The following NEGR1 variants were observed in gnomAD, a reference collection of about 807,000 sequenced individuals.
The protein encoded by NEGR1 is neuronal growth regulator 1, also known as IgLON family member 4.
Under a neutral mutation model 40.9 loss-of-function variants are expected in NEGR1, and 10 were observed. The observed-to-expected ratio is 0.24, with a 90% CI of 0.15 to 0.42. The LOEUF is 0.42. Ranked by LOEUF, NEGR1 falls within the 10% of genes least tolerant of loss-of-function variation. The pLI, the probability that NEGR1 is intolerant of heterozygous loss-of-function variation, is 1.00. For synonymous variants in NEGR1, 185 were observed against 166.8 expected (o/e 1.11, Z -0.84); for missense variants, 352 against 438.9 (o/e 0.80, Z 1.77).
intron 1 of NEGR1, among the ~76,000 whole-genome samples, chr1:72,266,724 AACACACACACACACAC>A (rs3082237): frequency 2.2e-5 from 3 of 133,726 alleles, no homozygotes; most frequent in African/African-American, 5.4e-5. Context: ...TAGACAGATA[AACACACACACACACAC>A]ACACACACAC....
intron 1 of NEGR1, among the ~76,000 whole-genome samples, chr1:71,983,507 G>A (rs1443042604): frequency 2.0e-5 from 3 of 152,262 alleles, no homozygotes; most frequent in South Asian, 2.1e-4. Flanking sequence ...GTAGAGCAAA[G>A]CATAATTCAC....
At chr1:71,477,863 T>C (rs1365039267) in intron 6 of NEGR1, among the ~76,000 whole-genome samples, 1 of 151,472 alleles carries the variant, frequency 6.6e-6, no homozygotes, top group Non-Finnish European at 1.5e-5. Flanking sequence ...GATATCTTAA[T>C]AGTCAGACAA....
intron 6 of NEGR1, among the ~76,000 whole-genome samples, chr1:71,485,814 CTTAGT>C (rs1419249432): frequency 6.6e-6 from 1 of 151,494 alleles, no homozygotes; most frequent in Non-Finnish European, 1.5e-5. Context: ...CTTTATATGC[CTTAGT>C]TTATTTATTC....
chr1:71,636,919 C>A (rs1651171820), intron 4 of NEGR1, among the ~76,000 whole-genome samples: 2 of 151,972 alleles, frequency 1.3e-5, no homozygotes, highest in Non-Finnish European at 2.9e-5. Context: ...ACTTTGAAGT[C>A]ACGGGAAAGA....
intron 4 of NEGR1, among the ~76,000 whole-genome samples, chr1:71,677,403 ATAAT>A (rs1261174517): frequency 6.6e-6 from 1 of 152,212 alleles, no homozygotes; most frequent in Non-Finnish European, 1.5e-5. Flanking sequence ...ATTATGTACT[ATAAT>A]TAAATTAATG....
chr1:72,176,635 A>C (rs1041751072), intron 1 of NEGR1, among the ~76,000 whole-genome samples: 2 of 152,058 alleles, frequency 1.3e-5, no homozygotes, highest in Admixed American at 1.3e-4. Flanking sequence ...AAAGTGGCTT[A>C]ATGAAAACAG....
intron 2 of NEGR1, among the ~76,000 whole-genome samples, chr1:71,801,645 C>G (rs1453719565): frequency 1.3e-5 from 2 of 152,136 alleles, no homozygotes; most frequent in Non-Finnish European, 2.9e-5. Context: ...ATCAGAAAAT[C>G]TATTTGCCTC....
chr1:72,281,603 A>G (rs949568545), intron 1 of NEGR1, among the ~76,000 whole-genome samples: 31 of 151,970 alleles, frequency 2.0e-4, no homozygotes, highest in Admixed American at 2.0e-3. Context: ...TAAAAAAAAT[A>G]GACAAAAAGA....
At chr1:71,697,534 T>C (rs998757513) in intron 4 of NEGR1, among the ~76,000 whole-genome samples, 2 of 151,874 alleles carry the variant, frequency 1.3e-5, no homozygotes, top group Non-Finnish European at 2.9e-5. Context: ...TTCTTCACTT[T>C]CTTTTTCCCA....
At chr1:72,277,692 G>GA (rs200047719) in intron 1 of NEGR1, among the ~76,000 whole-genome samples, 1,664 of 152,082 alleles carry the variant, frequency 0.011, 25 homozygotes, top group Middle Eastern at 0.048. Context: ...TTTAAAAAGA[G>GA]AAAAAACTCA....
chr1:71,753,993 A>G (rs1246819432), intron 3 of NEGR1, among the ~76,000 whole-genome samples: 1 of 152,204 alleles, frequency 6.6e-6, no homozygotes, highest in East Asian at 1.9e-4. Flanking sequence ...ACCTGGGGTG[A>G]TGAATTGAGC....
intron 1 of NEGR1, among the ~76,000 whole-genome samples, chr1:71,999,885 T>G (rs1010139758): frequency 3.3e-5 from 5 of 151,396 alleles, no homozygotes; most frequent in African/African-American, 9.7e-5. Context: ...TCGTTTTAAT[T>G]GGACTGTTTT....
At chr1:71,617,684 C>T (rs1209229087) in intron 4 of NEGR1, among the ~76,000 whole-genome samples, 1 of 152,180 alleles carries the variant, frequency 6.6e-6, no homozygotes, top group Non-Finnish European at 1.5e-5. Flanking sequence ...GAAAATGTTA[C>T]CTGAACTAAA....
At chr1:71,513,275 T>G (rs987786037) in intron 6 of NEGR1, among the ~76,000 whole-genome samples, 1 of 152,196 alleles carries the variant, frequency 6.6e-6, no homozygotes, top group Non-Finnish European at 1.5e-5. Flanking sequence ...AATACAGAAA[T>G]CTACCCCTAC....
rs190203155 is a variant in NEGR1 at position 72,267,975 on chromosome 1, G to A, written c.176+14344C>T. ...ACAGAGAAAACAGTATGAAAGAAAA[G>A]CATCCCAGATGGAAAAAAAAATAAG... is the stretch of plus-strand genomic sequence containing the variant. On this transcript the variant is annotated intron_variant, in intron 1 of 6. Transcript: ENST00000357731. Among the ~76,000 whole-genome samples the A allele has an allele frequency of 6.8e-4, 103 of 151,148 alleles. 2 individuals carry two copies. The East Asian group carries it at 0.019, about 27-fold the overall frequency.
intron 1 of NEGR1, among the ~76,000 whole-genome samples, chr1:71,938,146 T>A (rs552183049): frequency 3.9e-5 from 6 of 152,070 alleles, no homozygotes; most frequent in African/African-American, 1.4e-4. Flanking sequence ...AAAAAAAATA[T>A]TTTCCTTTTG....
chr1:72,238,673 C>A (rs1199146020), intron 1 of NEGR1, among the ~76,000 whole-genome samples: 1 of 151,876 alleles, frequency 6.6e-6, no homozygotes, highest in Non-Finnish European at 1.5e-5. Flanking sequence ...CTACTGTCCT[C>A]TTTCCTTTGT....
chr1:71,709,635 A>G (rs2101641291), intron 3 of NEGR1, among the ~76,000 whole-genome samples: 1 of 152,312 alleles, frequency 6.6e-6, no homozygotes, highest in South Asian at 2.1e-4. Flanking sequence ...CTCTTCAATA[A>G]AGGGTGCTGG....
chr1:71,909,509 C>G (rs1355980017), intron 2 of NEGR1, among the ~76,000 whole-genome samples: 1 of 152,190 alleles, frequency 6.6e-6, no homozygotes, highest in African/African-American at 2.4e-5. Flanking sequence ...CAATCCTGCT[C>G]TTTTTGTTCT....
Sources: allele counts gnomAD v4.1 joint callset (sites outside exome capture counted in the v4.1 genomes callset), GRCh38; gene constraint gnomAD v4.1.1; transcripts MANE v1.5; gene names NCBI Gene and HGNC (gene_info 2026-07-23, HGNC 2026-07-21).